Variants in EYA1 observed in about 807,000 individuals in gnomAD.
EYA1 encodes protein phosphatase EYA1.
A neutral mutation model predicts 82.0 loss-of-function variants in EYA1; 16 were observed. The observed-to-expected ratio is 0.20, with a 90% CI of 0.13 to 0.30. The LOEUF is 0.30. Among genes scored for constraint, EYA1 ranks in the 10% least tolerant of loss-of-function variants. EYA1 has a pLI of 1.00. For synonymous variants in EYA1, 261 were observed against 264.4 expected (o/e 0.99, Z 0.12); for missense variants, 633 against 730.7 (o/e 0.87, Z 1.54).
intron 2 of EYA1, among the ~76,000 whole-genome samples, chr8:71,463,615 CTCTCTCTCTCTCTCT>C (rs1563640080): frequency 1.2e-4 from 16 of 135,374 alleles, no homozygotes; most frequent in African/African-American, 1.9e-4. Flanking sequence ...CTCTCTCTCT[CTCTCTCTCTCTCTCT>C]CTCCCTCCCT....
At chr8:71,428,475 A>G (rs1805396903) in intron 2 of EYA1, among the ~76,000 whole-genome samples, 1 of 152,224 alleles carries the variant, frequency 6.6e-6, no homozygotes, top group Admixed American at 6.5e-5. Context: ...AATAAGATCA[A>G]TCTTCAAGGC....
intron 2 of EYA1, among the ~76,000 whole-genome samples, chr8:71,451,529 AG>A (rs1807372975): frequency 6.6e-6 from 1 of 152,210 alleles, no homozygotes; most frequent in Admixed American, 6.5e-5. Context: ...ATCTGGTTAT[AG>A]GTTTATGGGG....
chr8:71,323,820 C>T (rs1176167562), intron 4 of EYA1: 1 of 152,250 alleles, frequency 6.6e-6, no homozygotes, highest in Admixed American at 6.5e-5. Flanking sequence ...CAGTTAAAGA[C>T]TGCAGTTTAT....
At chr8:71,397,171 C>A (rs1184286606) in intron 2 of EYA1, among the ~76,000 whole-genome samples, 2 of 152,144 alleles carry the variant, frequency 1.3e-5, no homozygotes, top group East Asian at 3.9e-4. Context: ...TTATTTTGAG[C>A]CTATGTGTGT....
intron 10 of EYA1, 39 bp downstream of exon 10, chr8:71,271,719 G>C (rs772521030): frequency 5.0e-6 from 8 of 1,613,616 alleles, no homozygotes; most frequent in Non-Finnish European, 6.8e-6. Context: ...TAGCTATTAA[G>C]ACACCTTTCT....
chr8:71,284,052 G>A (rs1160909483), intron 9 of EYA1, among the ~76,000 whole-genome samples: 2 of 152,154 alleles, frequency 1.3e-5, no homozygotes, highest in Non-Finnish European at 1.5e-5. Flanking sequence ...CTACAGACTT[G>A]ACTGGCCTCA....
At chr8:71,533,297 A>G (rs1320236659) in intron 2 of EYA1, among the ~76,000 whole-genome samples, 2 of 152,214 alleles carry the variant, frequency 1.3e-5, no homozygotes, top group East Asian at 1.9e-4. Context: ...ACTGTAAAGA[A>G]AAACAGCAAT....
At chr8:71,379,393 C>T (rs1051094980) in intron 2 of EYA1, among the ~76,000 whole-genome samples, 1 of 151,930 alleles carries the variant, frequency 6.6e-6, no homozygotes, top group South Asian at 2.1e-4. Flanking sequence ...CTTCAATTAC[C>T]CCAGGGAGAG....
intron 2 of EYA1, among the ~76,000 whole-genome samples, chr8:71,534,997 T>A (rs556830347): frequency 6.6e-6 from 1 of 151,882 alleles, no homozygotes; most frequent in African/African-American, 2.4e-5. Flanking sequence ...GGACTTACAG[T>A]GTAAAGTCAT....
At chr8:71,384,451 TG>T (rs1828870283) in intron 2 of EYA1, among the ~76,000 whole-genome samples, 1 of 152,170 alleles carries the variant, frequency 6.6e-6, no homozygotes, top group Non-Finnish European at 1.5e-5. Flanking sequence ...CAGGCCAGGC[TG>T]GGCCCTCCCC....
chr8:71,404,550 G>T (rs1276389676), intron 2 of EYA1: 1 of 152,182 alleles, frequency 6.6e-6, no homozygotes, highest in Non-Finnish European at 1.5e-5. Context: ...TTAAAAGCTA[G>T]AGGTAAAACT....
At chr8:71,396,541 C>T (rs561193760) in intron 2 of EYA1, among the ~76,000 whole-genome samples, 17 of 152,246 alleles carry the variant, frequency 1.1e-4, no homozygotes, top group South Asian at 6.2e-4. Flanking sequence ...GCCTTCATTT[C>T]GTTATATAGC....
intron 2 of EYA1, among the ~76,000 whole-genome samples, chr8:71,534,937 T>C (rs6472592): frequency 0.62 from 92,306 of 148,546 alleles, 29,154 homozygotes; most frequent in African/African-American, 0.77. Flanking sequence ...CTACTGTGAA[T>C]AAAGCTGAGC....
chr8:71,383,366 A>T (rs1828815978), intron 2 of EYA1, among the ~76,000 whole-genome samples: 1 of 152,110 alleles, frequency 6.6e-6, no homozygotes. Flanking sequence ...ATGAGTGCAA[A>T]GGAAAATACA....
At chr8:71,218,610 A>G (rs550035742) in intron 12 of EYA1, among the ~76,000 whole-genome samples, 4 of 152,286 alleles carry the variant, frequency 2.6e-5, no homozygotes, top group African/African-American at 9.6e-5. Flanking sequence ...GAGCCCTCAC[A>G]TGCTGACTGT....
At chr8:71,462,212 G>T (rs1808412737) in intron 2 of EYA1, among the ~76,000 whole-genome samples, 1 of 152,166 alleles carries the variant, frequency 6.6e-6, no homozygotes, top group Admixed American at 6.5e-5. Flanking sequence ...AGGGGTACCT[G>T]CAGGCCAGTA....
At chr8:71,306,069 C>T (rs1404968025) in intron 7 of EYA1, among the ~76,000 whole-genome samples, 1 of 152,208 alleles carries the variant, frequency 6.6e-6, no homozygotes, top group African/African-American at 2.4e-5. Flanking sequence ...GCATCACCCA[C>T]CCAGGTGTCA....
intron 2 of EYA1, among the ~76,000 whole-genome samples, chr8:71,408,172 T>A (rs936766904): frequency 6.6e-6 from 1 of 151,938 alleles, no homozygotes; most frequent in Non-Finnish European, 1.5e-5. Context: ...AAGCAAATGC[T>A]GAGAGATTTT....
At chr8:71,244,155 C>T (rs2128903729) in intron 12 of EYA1, among the ~76,000 whole-genome samples, 1 of 152,264 alleles carries the variant, frequency 6.6e-6, no homozygotes, top group South Asian at 2.1e-4. Context: ...ACCCAAACAG[C>T]AGAGGCCAGA....
Sources: gnomAD v4.1 joint callset for allele counts (sites outside exome capture counted in the v4.1 genomes callset) on GRCh38, gnomAD v4.1.1 for gene constraint, MANE v1.5 for transcripts, NCBI Gene and HGNC (gene_info 2026-07-23, HGNC 2026-07-21) for gene names.